The following SLFN12L variants were observed in gnomAD, a reference collection of about 807,000 sequenced individuals.
The protein encoded by SLFN12L is schlafen family member 12-like.
Under a neutral mutation model 34.8 loss-of-function variants are expected in SLFN12L, and 34 were observed. The ratio of observed to expected loss-of-function variants is 0.98; its 90% CI spans 0.74 to 1.30. The LOEUF (loss-of-function observed/expected upper bound fraction) is 1.30. SLFN12L is among the 50% of genes most tolerant of loss of function. The pLI, the probability that SLFN12L is intolerant of heterozygous loss-of-function variation, is 0.00. For missense variants in SLFN12L, 703 were observed against 696.2 expected (o/e 1.01, Z -0.11); for synonymous variants, 259 against 247.5 (o/e 1.05, Z -0.44).
chr17:35,523,777 A>C (rs1005992294), intron 1 of SLFN12L, among the ~76,000 whole-genome samples: 1 of 152,144 alleles, frequency 6.6e-6, no homozygotes, highest in Non-Finnish European at 1.5e-5. Flanking sequence ...TCTACAAAAA[A>C]TATAAAAATG....
At chr17:35,514,892 T>C in intron 2 of SLFN12L, 1 of 411,664 alleles carries the variant, frequency 2.4e-6, no homozygotes, top group Non-Finnish European at 4.8e-6. Context: ...CAGTAACCAC[T>C]GTGGCTGTCC....
At chr17:35,498,262 A>G (rs559692061) in intron 2 of SLFN12L, 3 of 782,770 alleles carry the variant, frequency 3.8e-6, no homozygotes, top group East Asian at 2.4e-5. Context: ...GTGTCCTGCT[A>G]CCTCAAACGC....
intron 1 of SLFN12L, among the ~76,000 whole-genome samples, chr17:35,526,415 G>C (rs1409065386): frequency 6.6e-6 from 1 of 152,146 alleles, no homozygotes; most frequent in African/African-American, 2.4e-5. Flanking sequence ...ATTCTTCTCA[G>C]CACCTCATGG....
rs1445121624 is a variant in SLFN12L, at chr17:35,479,424, A to G, written c.858T>C (p.Asp286=). The change falls in exon 3 of 5, where the codon GAT becomes GAC. Residue 286 remains aspartate, a synonymous_variant. Transcript: ENST00000628453. ...CTGCTTTAAAGCCAATTACTTCTTT[A>G]TCTTCATTTAGACCAACGAATAAAT... ...GGYLFVGLNE[D]KEVIGFKAEK... 1.9e-6 allele frequency: 3 copies of G among 1,614,034 alleles called. No homozygotes were observed. The highest frequency in any genetic ancestry group is 2.5e-6 in the Non-Finnish European group (3 of 1,179,956).
At chr17:35,530,728 T>A (rs562007374) in intron 1 of SLFN12L, among the ~76,000 whole-genome samples, 1 of 152,092 alleles carries the variant, frequency 6.6e-6, no homozygotes, top group East Asian at 1.9e-4. Flanking sequence ...GTTGTGCAAA[T>A]CAATAAAACT....
rs1314125499 is a variant in SLFN12L at position 35,467,685 on chromosome 17, A to C, written c.*7238T>G. On this transcript the variant is annotated 3_prime_UTR_variant, in exon 5 of 5. Transcript: ENST00000628453. ...TATTTTTATAGATTTTCAATATCAA[A>C]CCCCCCCCATCAGGAGGCCACAGCA... Among the ~76,000 whole-genome samples, 5 of 150,966 alleles carry C rather than the reference A, an allele frequency of 3.3e-5. No individual in the cohort carries two copies. Among genetic ancestry groups the C allele is most frequent in the South Asian group, 2.1e-4 (1 of 4,740 alleles).
At position 35,474,643 on chromosome 17, in the gene SLFN12L, C is replaced by G. The variant is rs1263380059; in HGVS notation, c.*280G>C. On this transcript the variant is annotated 3_prime_UTR_variant, in exon 5 of 5. Transcript: ENST00000628453. Reference sequence around the variant, plus strand: ...TCTATAAAAGAATTGATTCTCCAGCCGGGCGCGGTGGCTCACATCTGTACT... The same window carrying G: ...TCTATAAAAGAATTGATTCTCCAGCGGGGCGCGGTGGCTCACATCTGTACT... The G allele has an allele frequency of 3.4e-6, 1 of 292,992 alleles. No homozygotes were observed. 18.1% of individuals were successfully genotyped at this position (292,992 alleles called of 1,614,324 possible).
rs1387638265 is a variant in SLFN12L, at chr17:35,466,851, A to G, written c.*8072T>C. Among the ~76,000 whole-genome samples the G allele has an allele frequency of 6.6e-6, 1 of 152,202 alleles. No homozygotes were observed. Among genetic ancestry groups the G allele is most frequent in the Non-Finnish European group, 1.5e-5 (1 of 68,042 alleles). ...GGCTCTCAGCCTCATGCTATATGCC[A>G]TTAAAACCACAAATGACTAGCTCCA... On this transcript the variant is annotated 3_prime_UTR_variant, in exon 5 of 5. Transcript: ENST00000628453.
Position 35,474,693 on chromosome 17 carries a change from G to GT in SLFN12L, c.*229_*230insA, listed in dbSNP as rs1461052505. The stretch of plus-strand genomic sequence containing the variant: ...TCCTAGCACTTTGGGAGACCGGGGG[G>GT]GGGGGTTGAATCACGAGGTCAGGAG... On this transcript the variant is annotated 3_prime_UTR_variant, in exon 5 of 5. Coordinates refer to ENST00000628453, the MANE Select transcript of SLFN12L (RefSeq NM_001363830.2). The GT allele has an allele frequency of 5.3e-6, 2 of 374,990 alleles. No individual in the cohort carries two copies. Among genetic ancestry groups the GT allele is most frequent in the East Asian group, 5.4e-5 (1 of 18,470 alleles). The allele number at this position is 374,990 out of a possible 1,614,324, so 23.2% of individuals were successfully genotyped here.
chr17:35,523,672 A>G (rs949426176), intron 1 of SLFN12L, among the ~76,000 whole-genome samples: 4 of 152,112 alleles, frequency 2.6e-5, no homozygotes, highest in Admixed American at 2.6e-4. Context: ...GCGGTGGCTC[A>G]CTCCTGTAAT....
chr17:35,531,933 C>T (rs1274841405), intron 1 of SLFN12L, among the ~76,000 whole-genome samples: 1 of 151,840 alleles, frequency 6.6e-6, no homozygotes, highest in Non-Finnish European at 1.5e-5. Flanking sequence ...CCCAGCCCGG[C>T]CTGACAACTC....
In SLFN12L at chr17:35,479,113, C is replaced by T; in HGVS notation, c.1165+4G>A. The T allele has an allele frequency of 1.3e-6, 2 of 1,543,904 alleles. No individual in the cohort carries two copies. Among genetic ancestry groups the T allele is most frequent in the Non-Finnish European group, 1.8e-6 (2 of 1,142,252 alleles). ...ATCCTTATTGCCAATCCTCCTTCCT[C>T]AACCTGGTTCTGAATCCACCATGAA... On this transcript the variant is annotated splice_donor_region_variant and intron_variant, in intron 3 of 4. Coordinates refer to ENST00000628453, the MANE Select transcript of SLFN12L (RefSeq NM_001363830.2).
At chr17:35,498,126 C>T (rs145295470) in intron 2 of SLFN12L, 10,261 of 604,536 alleles carry the variant, frequency 0.017, 120 homozygotes, top group Non-Finnish European at 0.024. Flanking sequence ...GCGGTCAGAG[C>T]GAGACCTGCA....
intron 4 of SLFN12L, among the ~76,000 whole-genome samples, chr17:35,476,984 T>C (rs1597828846): frequency 6.6e-6 from 1 of 152,320 alleles, no homozygotes; most frequent in East Asian, 1.9e-4. Context: ...AAAGAGGGAC[T>C]TTAAAATAAC....
At position 35,479,358 on chromosome 17, in the gene SLFN12L, AT is replaced by A; in HGVS notation, c.923del (p.Asn308IlefsTer18). On this transcript the variant is annotated frameshift_variant, in exon 3 of 5. Transcript: ENST00000628453. LOFTEE classifies it high-confidence loss of function. ...GATGCACAGGCAGTTTCCCAATGGA[AT>A]TTTTTGTTACTTCTTCTAACTTAGT... The part of the protein sequence containing the change: ...YLTKLEEVTK[N>X]SIGKLPVHHF... The A allele has an allele frequency of 6.3e-7, 1 of 1,594,750 alleles. No individual in the cohort carries two copies. The highest frequency in any genetic ancestry group is 1.1e-5 in the South Asian group (1 of 89,118).
chr17:35,469,338 A>ATT lies in SLFN12L; in HGVS notation c.*5584_*5585insAA, dbSNP rs1913769729. 2.1e-5 allele frequency among the ~76,000 whole-genome samples: 2 copies of ATT among 95,496 alleles called. No individual in the cohort carries two copies. The highest frequency in any genetic ancestry group is 6.7e-5 in the African/African-American group (2 of 29,630). The allele number at this position is 95,496 out of a possible 152,430, so 62.6% of individuals were successfully genotyped here. A position where few individuals can be genotyped will look rare whatever the true frequency, so the allele number is the denominator to read the frequency against. The stretch of plus-strand genomic sequence containing the variant: ...ATATTATATATATAAATATATATAT[A>ATT]ATATATATATATATGTATTTCAAAC... On this transcript the variant is annotated 3_prime_UTR_variant, in exon 5 of 5. Coordinates refer to ENST00000628453, the MANE Select transcript of SLFN12L (RefSeq NM_001363830.2).
intron 2 of SLFN12L, among the ~76,000 whole-genome samples, chr17:35,497,802 C>G (rs1028682102): frequency 3.3e-5 from 5 of 152,168 alleles, no homozygotes; most frequent in Non-Finnish European, 7.4e-5. Context: ...AAGGGTACAA[C>G]TTCAGAAGCA....
chr17:35,483,811 G>C (rs1367243153), intron 2 of SLFN12L, among the ~76,000 whole-genome samples: 2 of 152,128 alleles, frequency 1.3e-5, no homozygotes, highest in African/African-American at 4.8e-5. Flanking sequence ...GGCTATAAAG[G>C]GGTCAGAATA....
rs529574829 is a variant in SLFN12L at position 35,466,711 on chromosome 17, C to T, written c.*8212G>A. ...GCTCTAAAATCTATCCAAATTAATACCAACAGACAGACCCATTGGTGCCTG... is the reference window on the plus strand; with the variant it reads ...GCTCTAAAATCTATCCAAATTAATATCAACAGACAGACCCATTGGTGCCTG... On this transcript the variant is annotated 3_prime_UTR_variant, in exon 5 of 5. Coordinates refer to ENST00000628453, the MANE Select transcript of SLFN12L (RefSeq NM_001363830.2). Among the ~76,000 whole-genome samples the T allele has an allele frequency of 6.6e-6, 1 of 152,316 alleles. No individual in the cohort carries two copies. Among genetic ancestry groups the T allele is most frequent in the South Asian group, 2.1e-4 (1 of 4,826 alleles).
Sources: gnomAD v4.1 joint callset for allele counts (sites outside exome capture counted in the v4.1 genomes callset) on GRCh38, gnomAD v4.1.1 for gene constraint, MANE v1.5 for transcripts, NCBI Gene and HGNC (gene_info 2026-07-23, HGNC 2026-07-21) for gene names.